Variants in METTL25 observed in about 807,000 individuals in gnomAD.
The protein encoded by METTL25 is probable methyltransferase-like protein 25.
A neutral mutation model predicts 71.6 loss-of-function variants in METTL25; 64 were observed. The ratio of observed to expected loss-of-function variants is 0.89; its 90% CI spans 0.73 to 1.10. The LOEUF (loss-of-function observed/expected upper bound fraction) is 1.10, where lower values mean the gene tolerates loss of function less well. Among genes scored for constraint, METTL25 ranks in the 50% least tolerant of loss-of-function variants. The pLI is 0.00. For missense variants in METTL25, 807 were observed against 707.0 expected, an observed-to-expected ratio of 1.14 and a Z score of -1.60; for synonymous variants, 287 against 250.3, an observed-to-expected ratio of 1.15 and a Z score of -1.38.
intron 9 of METTL25, 181 bp from the exon 10 acceptor site, chr12:82,476,463 T>C (rs1892885646): frequency 3.6e-6 from 2 of 549,842 alleles, no homozygotes; most frequent in Admixed American, 7.4e-5. Context: ...TATATCAGTG[T>C]AAAAATTTTA....
intron 1 of METTL25, among the ~76,000 whole-genome samples, chr12:82,386,413 A>G (rs994021911): frequency 3.3e-5 from 5 of 150,576 alleles, no homozygotes; most frequent in South Asian, 2.1e-4. Context: ...ATTTTAACCA[A>G]CCTACCTTCC....
At chr12:82,417,550 C>CAT (rs1888092118) in intron 5 of METTL25, among the ~76,000 whole-genome samples, 1 of 152,032 alleles carries the variant, frequency 6.6e-6, no homozygotes, top group Non-Finnish European at 1.5e-5. Flanking sequence ...GTACAAATAC[C>CAT]TTTTTTCTAA....
chr12:82,380,469 A>G (rs945876287), intron 1 of METTL25, among the ~76,000 whole-genome samples: 3 of 152,050 alleles, frequency 2.0e-5, no homozygotes, highest in East Asian at 1.9e-4. Context: ...ACATAATTGT[A>G]TGTGTGTATA....
intron 1 of METTL25, among the ~76,000 whole-genome samples, chr12:82,372,420 A>G (rs1304331621): frequency 6.6e-6 from 1 of 152,150 alleles, no homozygotes; most frequent in Non-Finnish European, 1.5e-5. Flanking sequence ...GGAGGCTAGG[A>G]TATGGGGGTA....
chr12:82,407,895 C>T, intron 5 of METTL25: 1 of 984,918 alleles, frequency 1.0e-6, no homozygotes, highest in Non-Finnish European at 1.2e-6. Flanking sequence ...TTTTCTCTTT[C>T]CAACACTCCA....
intron 7 of METTL25, among the ~76,000 whole-genome samples, chr12:82,438,006 T>C (rs1216824645): frequency 6.6e-6 from 1 of 151,702 alleles, no homozygotes; most frequent in African/African-American, 2.4e-5. Flanking sequence ...TGCTCTTTTA[T>C]AAATAGTAAT....
intron 5 of METTL25, among the ~76,000 whole-genome samples, chr12:82,427,709 A>T (rs1889144706): frequency 6.6e-6 from 1 of 151,904 alleles, no homozygotes; most frequent in African/African-American, 2.4e-5. Context: ...TAGAACAGAG[A>T]TGTTTTATGG....
chr12:82,408,415 A>G (rs1407725922), intron 5 of METTL25, among the ~76,000 whole-genome samples: 2 of 151,804 alleles, frequency 1.3e-5, no homozygotes, highest in Non-Finnish European at 2.9e-5. Context: ...AAACCTGGGG[A>G]AAAAAACACA....
intron 1 of METTL25, among the ~76,000 whole-genome samples, chr12:82,375,434 G>A (rs1055345386): frequency 2.2e-5 from 1 of 46,020 alleles, no homozygotes; most frequent in Non-Finnish European, 4.0e-5. Context: ...AGCCTCTAGA[G>A]CTGTGAGGAA....
intron 9 of METTL25, 133 bp downstream of exon 9, chr12:82,456,953 A>G (rs1333853932): frequency 2.5e-6 from 1 of 403,966 alleles, no homozygotes; most frequent in Non-Finnish European, 4.3e-6. Context: ...ATATTGAAAC[A>G]AGACCTCCAT....
chr12:82,451,886 G>C (rs1298031754), intron 8 of METTL25, among the ~76,000 whole-genome samples: 3 of 151,972 alleles, frequency 2.0e-5, no homozygotes, highest in Admixed American at 6.6e-5. Context: ...TTTAACTACA[G>C]TAAACAGTTT....
intron 5 of METTL25, among the ~76,000 whole-genome samples, chr12:82,424,318 T>C (rs1342237691): frequency 1.3e-5 from 2 of 151,444 alleles, no homozygotes; most frequent in Non-Finnish European, 2.9e-5. Flanking sequence ...TTCTCACTCA[T>C]AGGTGGGAAT....
chr12:82,376,258 TCATA>T (rs1565807210), intron 1 of METTL25, among the ~76,000 whole-genome samples: 1 of 152,220 alleles, frequency 6.6e-6, no homozygotes, highest in Non-Finnish European at 1.5e-5. Context: ...ATTTTTAAAC[TCATA>T]CATTCATCCC....
intron 5 of METTL25, among the ~76,000 whole-genome samples, chr12:82,415,321 G>A (rs190974836): frequency 2.6e-5 from 4 of 152,042 alleles, no homozygotes; most frequent in Admixed American, 1.3e-4. Flanking sequence ...TCCAGCCTGC[G>A]TTTTTAACCA....
intron 9 of METTL25, chr12:82,460,069 C>T (rs1592759908): frequency 6.6e-6 from 1 of 152,158 alleles, no homozygotes; most frequent in African/African-American, 2.4e-5. Flanking sequence ...TCAGTCCCAC[C>T]ATCAAGTGGT....
chr12:82,446,585 A>G (rs908123783), intron 8 of METTL25, among the ~76,000 whole-genome samples: 2 of 152,136 alleles, frequency 1.3e-5, no homozygotes. Context: ...GTCAATTAAG[A>G]AGTTAAAAAG....
Position 82,389,803 on chromosome 12 carries a change from T to C in METTL25, c.425-13T>C, listed in dbSNP as rs748601236. On this transcript the variant is annotated splice_polypyrimidine_tract_variant and intron_variant, in intron 2 of 11. Transcript: ENST00000248306. Reference sequence around the variant, plus strand: ...GATTCTTTAATAGCAGTTTTTACTTTTATTTTCATTAGGTGAAAATCAGAA... The same window carrying C: ...GATTCTTTAATAGCAGTTTTTACTTCTATTTTCATTAGGTGAAAATCAGAA... The C allele has an allele frequency of 3.3e-6, 5 of 1,527,222 alleles. No individual in the cohort carries two copies. The highest frequency in any genetic ancestry group is 1.4e-5 in the African/African-American group (1 of 72,900). 94.6% of individuals were successfully genotyped at this position (1,527,222 alleles called of 1,614,324 possible). A position where few individuals can be genotyped will look rare whatever the true frequency, so the allele number is the denominator to read the frequency against.
At position 82,456,817 on chromosome 12, in the gene METTL25, C is replaced by G. The variant is rs760082242; in HGVS notation, c.1569C>G (p.Ser523=). ...RSLKKLGLDE[S]KLPEKIIMNY... ...TAAAGAAGCTTGGATTAGATGAGTC[C>G]AAGGTCAGTATATGATGACTCATTA... Residue 523 remains serine (S), a synonymous_variant, in exon 9 of 12, where the codon TCC becomes TCG. Transcript: ENST00000248306. The G allele has an allele frequency of 4.6e-6, 7 of 1,528,322 alleles. No individual in the cohort carries two copies. The Admixed American group carries it at 5.4e-5, about 12-fold the overall frequency. The allele number at this position is 1,528,322 out of a possible 1,614,324, so 94.7% of individuals were successfully genotyped here.
chr12:82,383,423 A>T (rs996086393), intron 1 of METTL25, among the ~76,000 whole-genome samples: 1 of 152,236 alleles, frequency 6.6e-6, no homozygotes, highest in Admixed American at 6.5e-5. Flanking sequence ...CTTAATTCAT[A>T]CTACCTTGGA....
Sources: gnomAD v4.1 joint callset for allele counts (sites outside exome capture counted in the v4.1 genomes callset) on GRCh38, gnomAD v4.1.1 for gene constraint, MANE v1.5 for transcripts, NCBI Gene and HGNC (gene_info 2026-07-23, HGNC 2026-07-21) for gene names.